DDX17: variants seen among roughly 807,000 people sequenced by gnomAD.
The protein encoded by DDX17 is DEAD-box helicase 17.
Under a neutral mutation model 80.8 loss-of-function variants are expected in DDX17, and 10 were observed. The observed-to-expected ratio is 0.12, with a 90% CI of 0.08 to 0.21. The LOEUF (loss-of-function observed/expected upper bound fraction) is 0.21, where lower values mean the gene tolerates loss of function less well. DDX17 is among the 10% of genes least tolerant of loss of function. DDX17 has a pLI of 1.00. For synonymous variants in DDX17, 339 were observed against 336.2 expected (o/e 1.01, Z -0.09); for missense variants, 586 against 957.4 (o/e 0.61, Z 5.12).
intron 11 of DDX17, chr22:38,490,670 G>A (rs964731842): frequency 3.0e-6 from 1 of 331,112 alleles, no homozygotes; most frequent in African/African-American, 2.2e-5. Flanking sequence ...TTGCACCCCT[G>A]TCTATGAGGT....
chr22:38,506,146 C>T lies in DDX17; in HGVS notation c.92G>A (p.Ser31Asn). The T allele has an allele frequency of 6.3e-7, 1 of 1,584,548 alleles. No individual in the cohort carries two copies. Among genetic ancestry groups the T allele is most frequent in the Non-Finnish European group, 8.6e-7 (1 of 1,166,912 alleles). Residue 31 changes from serine (S) to asparagine (N), a missense_variant, in exon 1 of 13, where the codon AGC (serine) becomes AAC (asparagine). This residue lies in a region of DDX17 where 215 missense variants were observed against 238.4 expected (regional missense o/e 0.90). Transcript: ENST00000403230. ...CGCAGCGCTCTCTCGCTCCGACGCG[C>T]TGTCTCCCGTCGCAGACGCCACCGT...
Position 38,495,122 on chromosome 22 carries a change from G to C in DDX17, c.881-76C>G. On this transcript the variant is annotated intron_variant, in intron 6 of 12. Transcript: ENST00000403230. ...CAGCTGTGTTCTAGCACTTTGGGAAGAGGAGGCGGGAAGATCGCTTGAGGC... is the reference window on the plus strand; with the variant it reads ...CAGCTGTGTTCTAGCACTTTGGGAACAGGAGGCGGGAAGATCGCTTGAGGC... 2.1e-6 allele frequency: 3 copies of C among 1,449,302 alleles called. No individual in the cohort carries two copies. The South Asian group carries it at 4.0e-5, about 19-fold the overall frequency. The allele number at this position is 1,449,302 out of a possible 1,614,324, so 89.8% of individuals were successfully genotyped here.
At chr22:38,490,393 G>A (rs2089701383) in intron 11 of DDX17, 2 of 1,289,246 alleles carry the variant, frequency 1.6e-6, no homozygotes, top group Non-Finnish European at 2.0e-6. Flanking sequence ...ATGTAGATTT[G>A]TCTCGGCCAT....
Position 38,484,373 on chromosome 22 carries a change from A to G in DDX17, c.*1562T>C, listed in dbSNP as rs887544848. On this transcript the variant is annotated 3_prime_UTR_variant, in exon 13 of 13. Transcript: ENST00000403230. ...CTACCTGTATGTTGCACATTGAATCATACTTTCAGAACCCCTCAGAAACCA... is the reference window on the plus strand; with the variant it reads ...CTACCTGTATGTTGCACATTGAATCGTACTTTCAGAACCCCTCAGAAACCA... The G allele has an allele frequency of 8.5e-5, 13 of 152,276 alleles. No individual in the cohort carries two copies. Among genetic ancestry groups the G allele is most frequent in the African/African-American group, 3.1e-4 (13 of 41,470 alleles). The allele number at this position is 152,276 out of a possible 1,614,324, so 9.4% of individuals were successfully genotyped here.
At chr22:38,502,411 C>CAAA (rs138458) in intron 1 of DDX17, among the ~76,000 whole-genome samples, 21 of 125,954 alleles carry the variant, frequency 1.7e-4, no homozygotes, top group African/African-American at 5.5e-4. Flanking sequence ...GAGGGTCCGT[C>CAAA]AAAAAAAAAA....
chr22:38,499,863 G>A (rs2089809524), intron 2 of DDX17, among the ~76,000 whole-genome samples: 1 of 152,032 alleles, frequency 6.6e-6, no homozygotes, highest in Non-Finnish European at 1.5e-5. Flanking sequence ...TGGTAATGAG[G>A]TACAAGAAGA....
intron 1 of DDX17, among the ~76,000 whole-genome samples, chr22:38,501,789 C>T (rs1172248269): frequency 6.6e-6 from 1 of 151,920 alleles, no homozygotes; most frequent in East Asian, 1.9e-4. Context: ...TTATTAGGTA[C>T]CAAGTTACTA....
chr22:38,494,167 A>AAT, intron 8 of DDX17, 36 bp from the exon 9 acceptor site: 2 of 1,412,428 alleles, frequency 1.4e-6, no homozygotes, highest in Non-Finnish European at 2.0e-6. Flanking sequence ...CATCACACAG[A>AAT]AAGTTATTAT....
At position 38,484,376 on chromosome 22, in the gene DDX17, CT is replaced by C. The variant is rs1458968585; in HGVS notation, c.*1558del. Reference sequence around the variant, plus strand: ...CCTGTATGTTGCACATTGAATCATACTTTCAGAACCCCTCAGAAACCATCCC... The same window carrying C: ...CCTGTATGTTGCACATTGAATCATACTTCAGAACCCCTCAGAAACCATCCC... On this transcript the variant is annotated 3_prime_UTR_variant, in exon 13 of 13. Coordinates refer to ENST00000403230, the MANE Select transcript of DDX17 (RefSeq NM_006386.5). 1 of 152,234 alleles carries C rather than the reference CT, an allele frequency of 6.6e-6. No individual in the cohort carries two copies. Among genetic ancestry groups the C allele is most frequent in the Non-Finnish European group, 1.5e-5 (1 of 68,028 alleles). 9.4% of individuals were successfully genotyped at this position (152,234 alleles called of 1,614,324 possible).
At position 38,486,414 on chromosome 22, in the gene DDX17, A is replaced by C; in HGVS notation, c.1711T>G (p.Ser571Ala). 1 of 1,611,684 alleles carries C rather than the reference A, an allele frequency of 6.2e-7. No individual in the cohort carries two copies. The highest frequency in any genetic ancestry group is 8.5e-7 in the Non-Finnish European group (1 of 1,178,654). ...ATCAGATTGGGATTGTTGGCTGAAGAAGTGGTCCGGTAACGAGAACGACCA... is the reference window on the plus strand; with the variant it reads ...ATCAGATTGGGATTGTTGGCTGAAGCAGTGGTCCGGTAACGAGAACGACCA... Residue 571 changes from serine to alanine, a missense_variant, in exon 13 of 13, where the codon TCT becomes GCT. Around this residue, in one of 4 missense-constraint regions of DDX17, gnomAD observed 221 missense variants for 261.4 expected, o/e 0.85. Transcript: ENST00000403230.
intron 2 of DDX17, among the ~76,000 whole-genome samples, chr22:38,500,002 T>C (rs1160882324): frequency 1.3e-5 from 2 of 150,002 alleles, no homozygotes; most frequent in Admixed American, 1.3e-4. Context: ...CCGTCTCTAC[T>C]GAAAAAAAAA....
At position 38,500,678 on chromosome 22, in the gene DDX17, A is replaced by G. The variant is rs949090394; in HGVS notation, c.438+452T>C. Among the ~76,000 whole-genome samples the G allele has an allele frequency of 4.0e-5, 6 of 151,636 alleles. No individual in the cohort carries two copies. In the South Asian group the frequency reaches 8.3e-4, roughly 21 times the overall value. Reference sequence around the variant, plus strand: ...TAAAAATACAAAAAATTAGCCGGGCATGGTGGCGGGTGCCTGTGATCCCAG... The same window carrying G: ...TAAAAATACAAAAAATTAGCCGGGCGTGGTGGCGGGTGCCTGTGATCCCAG... On this transcript the variant is annotated intron_variant, in intron 2 of 12. Transcript: ENST00000403230.
intron 3 of DDX17, among the ~76,000 whole-genome samples, 178 bp from the exon 4 acceptor site, chr22:38,498,751 T>TCC (rs1274561699): frequency 6.6e-6 from 1 of 152,136 alleles, no homozygotes; most frequent in Non-Finnish European, 1.5e-5. Context: ...AGGGCCAGGC[T>TCC]AGGTGGCTCA....
Position 38,495,122 on chromosome 22 carries a change from G to A in DDX17, c.881-76C>T. The A allele has an allele frequency of 2.1e-6, 3 of 1,449,302 alleles. No homozygotes were observed. The South Asian group carries it at 4.0e-5, about 19-fold the overall frequency. The allele number at this position is 1,449,302 out of a possible 1,614,324, so 89.8% of individuals were successfully genotyped here. ...CAGCTGTGTTCTAGCACTTTGGGAA[G>A]AGGAGGCGGGAAGATCGCTTGAGGC... On this transcript the variant is annotated intron_variant, in intron 6 of 12. Transcript: ENST00000403230.
At position 38,483,604 on chromosome 22, in the gene DDX17, G is replaced by GA. The variant is rs148319213; in HGVS notation, c.*2330dup. 0.029 allele frequency: 4,493 copies of GA among 152,648 alleles called. 93 individuals carry two copies. The highest frequency in any genetic ancestry group is 0.055 in the South Asian group (266 of 4,822). The allele number at this position is 152,648 out of a possible 1,614,324, so 9.5% of individuals were successfully genotyped here. A position where few individuals can be genotyped will look rare whatever the true frequency, so the allele number is the denominator to read the frequency against. On this transcript the variant is annotated 3_prime_UTR_variant, in exon 13 of 13. Transcript: ENST00000403230. Reference sequence around the variant, plus strand: ...TCTTAATGCAACAGGAATGTGTCTGGAGACCAGCAAGAACATCAATAGAGA... The same window carrying GA: ...TCTTAATGCAACAGGAATGTGTCTGGAAGACCAGCAAGAACATCAATAGAGA...
chr22:38,488,465 C>G, intron 11 of DDX17: 1 of 1,142,658 alleles, frequency 8.8e-7, no homozygotes, highest in African/African-American at 1.6e-5. Flanking sequence ...CTATCCTTTA[C>G]AAAACCAGAA....
In DDX17 at chr22:38,485,804, T is replaced by G. The variant is rs541381386; in HGVS notation, c.*131A>C. ...GCATGAAAAGACAAATCACGATGGT[T>G]GGGGGGAAAAATTAAAAAAAAAAAA... On this transcript the variant is annotated 3_prime_UTR_variant, in exon 13 of 13. Coordinates refer to ENST00000403230, the MANE Select transcript of DDX17 (RefSeq NM_006386.5). 1,001 of 1,244,578 alleles carry G rather than the reference T, an allele frequency of 8.0e-4. 1 individual carries two copies. Among genetic ancestry groups the G allele is most frequent in the Non-Finnish European group, 9.3e-4 (907 of 977,228 alleles). 77.1% of individuals were successfully genotyped at this position (1,244,578 alleles called of 1,614,324 possible). A position where few individuals can be genotyped will look rare whatever the true frequency, so the allele number is the denominator to read the frequency against.
intron 5 of DDX17, among the ~76,000 whole-genome samples, chr22:38,497,383 C>G (rs1034596379): frequency 7.2e-6 from 1 of 139,018 alleles, no homozygotes; most frequent in African/African-American, 2.7e-5. Context: ...TTGGGGAGGC[C>G]GAGGCAGGCA....
chr22:38,502,967 A>T (rs1419229824), intron 1 of DDX17, among the ~76,000 whole-genome samples: 1 of 152,182 alleles, frequency 6.6e-6, no homozygotes, highest in East Asian at 1.9e-4. Context: ...TTAACCAGCC[A>T]GACATTCCTC....
Sources: gnomAD v4.1 joint callset for allele counts (sites outside exome capture counted in the v4.1 genomes callset) on GRCh38, gnomAD v4.1.1 for gene constraint, gnomAD v4.1.1 regional missense constraint, MANE v1.5 for transcripts, NCBI Gene and HGNC (gene_info 2026-07-23, HGNC 2026-07-21) for gene names.